The following RABGAP1L variants were observed in gnomAD, a reference collection of about 807,000 sequenced individuals.
The protein encoded by RABGAP1L is rab GTPase-activating protein 1-like.
Under a neutral mutation model 137.7 loss-of-function variants are expected in RABGAP1L, and 63 were observed. The ratio of observed to expected loss-of-function variants is 0.46; its 90% CI spans 0.37 to 0.56. The LOEUF is 0.56. Among genes scored for constraint, RABGAP1L ranks in the 20% least tolerant of loss-of-function variants. The pLI is 0.00. For missense variants in RABGAP1L, 1,095 were observed against 1,244.0 expected, an observed-to-expected ratio of 0.88 and a Z score of 1.80; for synonymous variants, 431 against 433.7, an observed-to-expected ratio of 0.99 and a Z score of 0.08.
intron 3 of RABGAP1L, among the ~76,000 whole-genome samples, chr1:174,225,494 C>CTTTTTTTTTTTTTTTTT (rs59323156): frequency 1.6e-4 from 17 of 105,708 alleles, no homozygotes; most frequent in African/African-American, 5.9e-4. Flanking sequence ...AGAATGTTGA[C>CTTTTTTTTTTTTTTTTT]TTTTTTTTTT....
intron 11 of RABGAP1L, among the ~76,000 whole-genome samples, chr1:174,364,164 C>T (rs1684383803): frequency 6.7e-6 from 1 of 149,102 alleles, no homozygotes; most frequent in South Asian, 2.2e-4. Flanking sequence ...CATCAAGTCT[C>T]AAGTTATTCT....
intron 5 of RABGAP1L, chr1:174,244,784 T>G (rs1454279948): frequency 2.6e-5 from 4 of 152,238 alleles, no homozygotes; most frequent in African/African-American, 4.8e-5. Flanking sequence ...AAGATACTTT[T>G]AAAGTGTTAA....
intron 13 of RABGAP1L, among the ~76,000 whole-genome samples, chr1:174,438,139 G>T (rs1373826964): frequency 1.3e-5 from 2 of 152,078 alleles, no homozygotes; most frequent in Non-Finnish European, 2.9e-5. Flanking sequence ...AGACCATCGA[G>T]GCTAGGAAGA....
At chr1:174,900,794 A>G (rs1246891745) in intron 19 of RABGAP1L, among the ~76,000 whole-genome samples, 2 of 152,212 alleles carry the variant, frequency 1.3e-5, no homozygotes, top group Admixed American at 6.5e-5. Context: ...TGCTGGGGTT[A>G]CAGGTGTGAG....
At chr1:174,440,067 A>G (rs1653940162) in intron 13 of RABGAP1L, among the ~76,000 whole-genome samples, 1 of 152,224 alleles carries the variant, frequency 6.6e-6, no homozygotes, top group African/African-American at 2.4e-5. Context: ...TGGCCTAGTA[A>G]GCAGTTATAA....
intron 19 of RABGAP1L, among the ~76,000 whole-genome samples, chr1:174,825,382 C>T (rs1362864830): frequency 1.3e-5 from 2 of 152,184 alleles, no homozygotes; most frequent in African/African-American, 2.4e-5. Context: ...ATCCCTAACC[C>T]GTAGAGTCAC....
At position 174,668,649 on chromosome 1, in the gene RABGAP1L, AT is replaced by A. The variant is rs1186337899; in HGVS notation, c.1825-14872del. On this transcript the variant is annotated intron_variant, in intron 14 of 25. Transcript: ENST00000681986. The stretch of plus-strand genomic sequence containing the variant: ...CCCAGTAGTGGGATTGTTGGATCAT[AT>A]GGTAGTTCGAATTTTAATTTTTTGA... Among the ~76,000 whole-genome samples, 4 of 152,274 alleles carry A rather than the reference AT, an allele frequency of 2.6e-5. No homozygotes were observed. The East Asian group carries it at 7.7e-4, about 29-fold the overall frequency.
At chr1:174,570,890 C>T (rs1459836184) in intron 13 of RABGAP1L, among the ~76,000 whole-genome samples, 1 of 152,028 alleles carries the variant, frequency 6.6e-6, no homozygotes, top group African/African-American at 2.4e-5. Flanking sequence ...AATTTAGTTG[C>T]CATATGATGC....
intron 1 of RABGAP1L, among the ~76,000 whole-genome samples, chr1:174,200,855 A>G (rs1157584014): frequency 7.9e-5 from 12 of 152,220 alleles, no homozygotes; most frequent in African/African-American, 2.9e-4. Context: ...GATAAAGTAC[A>G]GTGTCTTTTG....
At chr1:174,311,210 C>T (rs990789172) in intron 11 of RABGAP1L, among the ~76,000 whole-genome samples, 2 of 151,820 alleles carry the variant, frequency 1.3e-5, no homozygotes, top group South Asian at 2.1e-4. Flanking sequence ...ACAATCATGG[C>T]GGAAAGGGAA....
intron 1 of RABGAP1L, among the ~76,000 whole-genome samples, chr1:174,171,830 G>A (rs905988057): frequency 1.3e-5 from 2 of 151,926 alleles, no homozygotes; most frequent in East Asian, 3.9e-4. Flanking sequence ...GTGAAAACCC[G>A]TCTCTACTAA....
At chr1:174,384,750 G>A (rs1365977684) in intron 12 of RABGAP1L, among the ~76,000 whole-genome samples, 2 of 152,142 alleles carry the variant, frequency 1.3e-5, no homozygotes, top group Non-Finnish European at 2.9e-5. Flanking sequence ...TTGTTTTAGA[G>A]ACATCTCCTG....
chr1:174,932,607 C>A (rs1370326891), intron 19 of RABGAP1L, among the ~76,000 whole-genome samples: 5 of 152,040 alleles, frequency 3.3e-5, no homozygotes. Context: ...TGTAAAGTTG[C>A]TCTATTCCCC....
In RABGAP1L at chr1:174,556,945, A is replaced by C. The variant is rs537777071; in HGVS notation, c.1711-80430A>C. Among the ~76,000 whole-genome samples the C allele has an allele frequency of 4.6e-5, 7 of 152,346 alleles. No homozygotes were observed. In the East Asian group the frequency reaches 1.3e-3, roughly 29 times the overall value. ...ATCTTTCTGGCTAACAGTAAGCTGTAGGTTGTTACATCCTTTAATGCCATA... is the reference window on the plus strand; with the variant it reads ...ATCTTTCTGGCTAACAGTAAGCTGTCGGTTGTTACATCCTTTAATGCCATA... On this transcript the variant is annotated intron_variant, in intron 13 of 25. Coordinates refer to ENST00000681986, the MANE Select transcript of RABGAP1L (RefSeq NM_001366446.1).
chr1:174,325,844 G>T (rs773065830), intron 11 of RABGAP1L, among the ~76,000 whole-genome samples: 8 of 152,214 alleles, frequency 5.3e-5, no homozygotes, highest in Non-Finnish European at 1.0e-4. Flanking sequence ...CACTAAAGGG[G>T]CCGTTTATGG....
Position 174,383,165 on chromosome 1 carries a change from G to A in RABGAP1L, c.1560-10830G>A, listed in dbSNP as rs531091065. ...TGCCCGTTCTCAGATCTCCAGCTGC[G>A]TGCTGGGAGAACCACTGCTCTCTTC... is the stretch of plus-strand genomic sequence containing the variant. On this transcript the variant is annotated intron_variant, in intron 12 of 25. Coordinates refer to ENST00000681986, the MANE Select transcript of RABGAP1L (RefSeq NM_001366446.1). Among the ~76,000 whole-genome samples the A allele has an allele frequency of 9.3e-5, 14 of 150,826 alleles. No individual in the cohort carries two copies. In the East Asian group the frequency reaches 2.2e-3, roughly 23 times the overall value.
chr1:174,895,476 G>GT (rs1656988154), intron 19 of RABGAP1L, among the ~76,000 whole-genome samples: 1 of 150,800 alleles, frequency 6.6e-6, no homozygotes, highest in Non-Finnish European at 1.5e-5. Context: ...AAGTTCTAGG[G>GT]TACATGTGCA....
chr1:174,346,307 A>G (rs964999551), intron 11 of RABGAP1L, among the ~76,000 whole-genome samples: 2 of 152,116 alleles, frequency 1.3e-5, no homozygotes, highest in Non-Finnish European at 2.9e-5. Flanking sequence ...AATAGTTCCA[A>G]TGGGATTGAT....
intron 14 of RABGAP1L, among the ~76,000 whole-genome samples, chr1:174,648,084 T>C (rs1452514968): frequency 6.6e-6 from 1 of 152,118 alleles, no homozygotes; most frequent in Non-Finnish European, 1.5e-5. Context: ...TCTATTTGAT[T>C]CTTCTCTCTT....
Sources: allele counts gnomAD v4.1 joint callset (sites outside exome capture counted in the v4.1 genomes callset), GRCh38; gene constraint gnomAD v4.1.1; transcripts MANE v1.5; gene names NCBI Gene and HGNC (gene_info 2026-07-23, HGNC 2026-07-21).